Variants in SLC9A9 observed in about 807,000 individuals in gnomAD.
The protein encoded by SLC9A9 is solute carrier family 9 member A9.
In SLC9A9, 62 loss-of-function variants were observed where a neutral mutation model predicts 77.8. The ratio of observed to expected loss-of-function variants is 0.80; its 90% CI spans 0.65 to 0.98. The LOEUF is 0.98. Among genes scored for constraint, SLC9A9 ranks in the 50% least tolerant of loss-of-function variants. The probability of loss-of-function intolerance (pLI) is 0.00; values close to 1 mark genes in which losing one functional copy is unlikely to be tolerated. For missense variants in SLC9A9, 775 were observed against 774.9 expected (o/e 1.00, Z 0.00); for synonymous variants, 320 against 283.5 (o/e 1.13, Z -1.29).
At chr3:143,328,534 G>A (rs369193857) in intron 14 of SLC9A9, among the ~76,000 whole-genome samples, 3 of 152,202 alleles carry the variant, frequency 2.0e-5, no homozygotes, top group East Asian at 1.9e-4. Context: ...GACACATTCC[G>A]TTCTCCATCT....
rs144208843 is a variant in SLC9A9, at chr3:143,741,334, C to T, written c.534-48027G>A. 3.3e-3 allele frequency among the ~76,000 whole-genome samples: 495 copies of T among 152,152 alleles called. 9 individuals are homozygous for T. Among genetic ancestry groups the T allele is most frequent in the African/African-American group, 0.011 (450 of 41,494 alleles). On this transcript the variant is annotated intron_variant, in intron 4 of 15. Transcript: ENST00000316549. The stretch of plus-strand genomic sequence containing the variant: ...AGAAACCAATAGAAGGAAATACCAA[C>T]GGCCAAAGCTAAAATAGCTAAAATA...
chr3:143,408,483 G>T (rs901263930), intron 12 of SLC9A9, among the ~76,000 whole-genome samples: 2 of 152,204 alleles, frequency 1.3e-5, no homozygotes, highest in Non-Finnish European at 2.9e-5. Flanking sequence ...TATGTAAGAT[G>T]TCACCAAAGA....
chr3:143,349,505 T>C (rs192106199), intron 14 of SLC9A9, among the ~76,000 whole-genome samples: 1 of 152,326 alleles, frequency 6.6e-6, no homozygotes, highest in Non-Finnish European at 1.5e-5. Context: ...ATGCTATGTA[T>C]GGTAAGTATA....
At chr3:143,327,695 T>G (rs1256392501) in intron 14 of SLC9A9, among the ~76,000 whole-genome samples, 2 of 152,210 alleles carry the variant, frequency 1.3e-5, no homozygotes, top group African/African-American at 4.8e-5. Context: ...TTGTTCTTAT[T>G]CTACATGCTT....
intron 6 of SLC9A9, among the ~76,000 whole-genome samples, chr3:143,585,720 C>T (rs150333612): frequency 2.0e-5 from 3 of 152,220 alleles, no homozygotes; most frequent in Non-Finnish European, 4.4e-5. Flanking sequence ...CCATAGAACA[C>T]TGGGCTGGGT....
chr3:143,424,372 T>C (rs2034366261), intron 12 of SLC9A9, among the ~76,000 whole-genome samples: 1 of 151,796 alleles, frequency 6.6e-6, no homozygotes, highest in Non-Finnish European at 1.5e-5. Context: ...GTTCACGCCA[T>C]TCTCCTGCCT....
At chr3:143,761,805 C>A (rs1174277712) in intron 4 of SLC9A9, among the ~76,000 whole-genome samples, 3 of 152,088 alleles carry the variant, frequency 2.0e-5, no homozygotes, top group Admixed American at 2.0e-4. Flanking sequence ...GATCTAGAAC[C>A]AGAAATACCA....
chr3:143,655,830 AG>A (rs2038879360), intron 5 of SLC9A9, among the ~76,000 whole-genome samples: 1 of 152,122 alleles, frequency 6.6e-6, no homozygotes, highest in Admixed American at 6.6e-5. Context: ...AGGGTCTTTG[AG>A]CGGAATGAGT....
intron 12 of SLC9A9, among the ~76,000 whole-genome samples, chr3:143,445,543 T>C (rs2034826244): frequency 6.6e-6 from 1 of 152,092 alleles, no homozygotes. Flanking sequence ...TTAGCCTGGG[T>C]CTAAGAGTGA....
At chr3:143,538,692 A>G (rs1237218978) in intron 9 of SLC9A9, among the ~76,000 whole-genome samples, 1 of 152,172 alleles carries the variant, frequency 6.6e-6, no homozygotes, top group Non-Finnish European at 1.5e-5. Context: ...GAGATCTTCT[A>G]TCCCGGCCCT....
chr3:143,455,865 TTC>T (rs2035082333), intron 12 of SLC9A9, among the ~76,000 whole-genome samples: 1 of 151,772 alleles, frequency 6.6e-6, no homozygotes, highest in African/African-American at 2.4e-5. Context: ...GCACTTTTAT[TTC>T]TCTCTCTCTA....
At chr3:143,324,146 C>G (rs1015237224) in intron 14 of SLC9A9, among the ~76,000 whole-genome samples, 1 of 152,080 alleles carries the variant, frequency 6.6e-6, no homozygotes, top group Admixed American at 6.5e-5. Flanking sequence ...AGTACCTGCT[C>G]TATTGGGAGG....
At chr3:143,418,307 C>CT (rs140450677) in intron 12 of SLC9A9, among the ~76,000 whole-genome samples, 9,602 of 151,818 alleles carry the variant, frequency 0.063, 359 homozygotes, top group African/African-American at 0.11. Flanking sequence ...GTAATATTAT[C>CT]TTTTTAGCCT....
At chr3:143,526,922 C>A (rs770203764) in intron 9 of SLC9A9, among the ~76,000 whole-genome samples, 4 of 152,106 alleles carry the variant, frequency 2.6e-5, no homozygotes, top group African/African-American at 4.8e-5. Flanking sequence ...GGCTTGGGCA[C>A]CCCTGGGGAA....
intron 13 of SLC9A9, among the ~76,000 whole-genome samples, chr3:143,372,625 T>C (rs1473573717): frequency 6.6e-6 from 1 of 152,124 alleles, no homozygotes; most frequent in Non-Finnish European, 1.5e-5. Context: ...TGGGGCCTAA[T>C]TAATCTAATA....
intron 9 of SLC9A9, among the ~76,000 whole-genome samples, chr3:143,545,435 A>G (rs1286023752): frequency 6.6e-6 from 1 of 152,208 alleles, no homozygotes; most frequent in Non-Finnish European, 1.5e-5. Context: ...GTCTTCTGCT[A>G]TATTAGGACC....
At chr3:143,740,253 T>G (rs758139530) in intron 4 of SLC9A9, among the ~76,000 whole-genome samples, 38 of 152,074 alleles carry the variant, frequency 2.5e-4, no homozygotes, top group Admixed American at 3.9e-4. Context: ...GAGAGAGAGA[T>G]ATATATATAG....
At chr3:143,758,567 A>C (rs1376721180) in intron 4 of SLC9A9, among the ~76,000 whole-genome samples, 2 of 152,144 alleles carry the variant, frequency 1.3e-5, no homozygotes, top group Non-Finnish European at 2.9e-5. Flanking sequence ...TTAACAGAGA[A>C]GAGAAAACAA....
intron 14 of SLC9A9, among the ~76,000 whole-genome samples, chr3:143,353,510 G>A (rs1219866849): frequency 2.0e-5 from 3 of 152,214 alleles, no homozygotes; most frequent in Non-Finnish European, 4.4e-5. Flanking sequence ...ACATTGCTGG[G>A]ATCTTCATCC....
Sources: allele counts gnomAD v4.1 joint callset (sites outside exome capture counted in the v4.1 genomes callset), GRCh38; gene constraint gnomAD v4.1.1; transcripts MANE v1.5; gene names NCBI Gene and HGNC (gene_info 2026-07-23, HGNC 2026-07-21).